ADCY8: variants seen among roughly 807,000 people sequenced by gnomAD.
ADCY8 encodes adenylate cyclase type 8.
In ADCY8, 51 loss-of-function variants were observed where a neutral mutation model predicts 119.7. That is an observed-to-expected ratio of 0.43 (90% CI 0.34 to 0.54). ADCY8 has a LOEUF of 0.54. Among genes scored for constraint, ADCY8 ranks in the 20% least tolerant of loss-of-function variants. The pLI, the probability that ADCY8 is intolerant of heterozygous loss-of-function variation, is 0.03. For synonymous variants in ADCY8, 665 were observed against 651.0 expected (o/e 1.02, Z -0.33); for missense variants, 1,383 against 1,598.8 (o/e 0.87, Z 2.30).
At chr8:130,894,167 A>C (rs1435952867) in intron 7 of ADCY8, among the ~76,000 whole-genome samples, 1 of 152,120 alleles carries the variant, frequency 6.6e-6, no homozygotes, top group Non-Finnish European at 1.5e-5. Context: ...CAAATTACTG[A>C]CCTTCAAGAA....
chr8:130,846,757 C>T, intron 11 of ADCY8, among the ~76,000 whole-genome samples: 1 of 124,366 alleles, frequency 8.0e-6, no homozygotes, highest in African/African-American at 3.2e-5. Flanking sequence ...ACCTTCTGTC[C>T]TTCCTTCCCC....
chr8:130,951,060 G>A (rs1333194397), intron 3 of ADCY8, among the ~76,000 whole-genome samples: 1 of 152,206 alleles, frequency 6.6e-6, no homozygotes, highest in East Asian at 1.9e-4. Flanking sequence ...AAACATGTCT[G>A]AAATGAACTA....
At chr8:130,838,554 T>A (rs1343430062) in intron 11 of ADCY8, among the ~76,000 whole-genome samples, 1 of 96,366 alleles carries the variant, frequency 1.0e-5, no homozygotes, top group African/African-American at 2.7e-5. Flanking sequence ...GAGGACTAGA[T>A]CTGAGGGGTC....
intron 1 of ADCY8, among the ~76,000 whole-genome samples, chr8:131,034,164 A>G (rs1001016270): frequency 3.3e-5 from 5 of 152,120 alleles, no homozygotes; most frequent in Admixed American, 1.3e-4. Context: ...GGAATGATTT[A>G]TATTACATGC....
chr8:130,807,881 G>A (rs1816019591), intron 14 of ADCY8, among the ~76,000 whole-genome samples: 1 of 144,190 alleles, frequency 6.9e-6, no homozygotes, highest in Admixed American at 7.2e-5. Context: ...CTACTTGGGA[G>A]GCTGAGGCAG....
At chr8:130,784,540 C>T (rs935181823) in intron 16 of ADCY8, among the ~76,000 whole-genome samples, 2 of 152,154 alleles carry the variant, frequency 1.3e-5, no homozygotes, top group Non-Finnish European at 1.5e-5. Flanking sequence ...TAAGGTTTGT[C>T]GACCATATGG....
chr8:130,967,354 C>T lies in ADCY8; in HGVS notation c.1111-15356G>A, dbSNP rs184940699. Reference sequence around the variant, plus strand: ...AGAAATATTAAGACTGCAGTGTTCTCGTGTCAAGCAAGCTTGAGCTGAATC... The same window carrying T: ...AGAAATATTAAGACTGCAGTGTTCTTGTGTCAAGCAAGCTTGAGCTGAATC... On this transcript the variant is annotated intron_variant, in intron 2 of 17. Coordinates refer to ENST00000286355, the MANE Select transcript of ADCY8 (RefSeq NM_001115.3). Among the ~76,000 whole-genome samples the T allele has an allele frequency of 6.1e-3, 932 of 152,312 alleles. 14 individuals carry two copies. The highest frequency in any genetic ancestry group is 0.02 in the African/African-American group (849 of 41,568).
At position 131,039,649 on chromosome 8, in the gene ADCY8, G is replaced by A; in HGVS notation, c.685C>T (p.Leu229=). 6.2e-7 allele frequency: 1 copy of A among 1,614,170 alleles called. No individual in the cohort carries two copies. The highest frequency in any genetic ancestry group is 1.3e-5 in the African/African-American group (1 of 75,052). The change falls in exon 1 of 18, where the codon CTG becomes TTG. Residue 229 remains leucine, a synonymous_variant. Coordinates refer to ENST00000286355, the MANE Select transcript of ADCY8 (RefSeq NM_001115.3). The stretch of plus-strand genomic sequence containing the variant: ...GTGGTGTCCTTCCTGACCACCACCA[G>A]GGCGCAGATCACTACCTCAATGCCG... ...FTGIEVVICA[L]VVVRKDTTSH...
At chr8:131,003,206 T>TCTCTCACACACACACACACACA (rs372048150) in intron 1 of ADCY8, among the ~76,000 whole-genome samples, 1 of 137,488 alleles carries the variant, frequency 7.3e-6, no homozygotes, top group African/African-American at 2.8e-5. Context: ...TGAAACACCA[T>TCTCTCACACACACACACACACA]CACACACACA....
At chr8:130,799,507 C>A (rs1341466724) in intron 15 of ADCY8, among the ~76,000 whole-genome samples, 1 of 152,036 alleles carries the variant, frequency 6.6e-6, no homozygotes, top group African/African-American at 2.4e-5. Flanking sequence ...TTTTTTCCCG[C>A]CCCAAGCCCC....
chr8:130,977,630 G>A (rs1374795016), intron 2 of ADCY8, among the ~76,000 whole-genome samples: 1 of 152,226 alleles, frequency 6.6e-6, no homozygotes, highest in Non-Finnish European at 1.5e-5. Context: ...TATGTTTCAA[G>A]ATTTGCACAT....
At chr8:130,837,514 C>T (rs150094649) in intron 11 of ADCY8, among the ~76,000 whole-genome samples, 5 of 152,310 alleles carry the variant, frequency 3.3e-5, no homozygotes, top group Non-Finnish European at 5.9e-5. Flanking sequence ...ACACCTATCA[C>T]CCTGTATTAG....
chr8:130,937,187 A>T lies in ADCY8; in HGVS notation c.1367T>A (p.Leu456His). 4 of 1,613,656 alleles carry T rather than the reference A, an allele frequency of 2.5e-6. No homozygotes were observed. In the Admixed American group the frequency reaches 5.0e-5, roughly 20 times the overall value. Residue 456 changes from leucine to histidine, a missense_variant, in exon 5 of 18, where the codon CTT becomes CAT. Around this residue, in one of 2 missense-constraint regions of ADCY8, gnomAD observed 928 missense variants for 1,163.5 expected, o/e 0.80. Transcript: ENST00000286355. ...FDRLAHEHHC[L>H]RIKILGDCYY... ...GCAGTCCCCCAGGATTTTAATACGA[A>T]GGCAGTGATGCTCCTGGAAGGAACA...
chr8:130,877,940 A>T (rs1393867907), intron 8 of ADCY8, among the ~76,000 whole-genome samples: 1 of 152,216 alleles, frequency 6.6e-6, no homozygotes, highest in Non-Finnish European at 1.5e-5. Context: ...AGATTGGCCC[A>T]TATGAGATTT....
intron 2 of ADCY8, among the ~76,000 whole-genome samples, chr8:130,980,204 C>A (rs966761632): frequency 6.6e-6 from 1 of 152,114 alleles, no homozygotes; most frequent in Admixed American, 6.6e-5. Flanking sequence ...TATAAGGATA[C>A]CAGTGATATT....
chr8:131,001,332 A>G (rs2130762630), intron 1 of ADCY8, among the ~76,000 whole-genome samples: 1 of 152,146 alleles, frequency 6.6e-6, no homozygotes, highest in East Asian at 1.9e-4. Context: ...GCTTCCTACT[A>G]AACGCCTTTG....
intron 6 of ADCY8, among the ~76,000 whole-genome samples, chr8:130,906,035 T>C (rs1819773254): frequency 6.6e-6 from 1 of 152,234 alleles, no homozygotes; most frequent in Non-Finnish European, 1.5e-5. Context: ...TTTCTGATAC[T>C]TCATGTTCTC....
At chr8:130,834,375 CCAAA>C (rs919657367) in intron 12 of ADCY8, among the ~76,000 whole-genome samples, 4 of 152,100 alleles carry the variant, frequency 2.6e-5, no homozygotes, top group East Asian at 1.9e-4. Flanking sequence ...ACACACTCAA[CCAAA>C]CAAATATTTT....
At chr8:130,958,495 A>C (rs1430962857) in intron 2 of ADCY8, among the ~76,000 whole-genome samples, 6 of 152,108 alleles carry the variant, frequency 3.9e-5, no homozygotes, top group African/African-American at 1.2e-4. Flanking sequence ...ACTGGGTAAT[A>C]ATAAAGGAAA....
Sources: gnomAD v4.1 joint callset for allele counts (sites outside exome capture counted in the v4.1 genomes callset) on GRCh38, gnomAD v4.1.1 for gene constraint, gnomAD v4.1.1 regional missense constraint, MANE v1.5 for transcripts, NCBI Gene and HGNC (gene_info 2026-07-23, HGNC 2026-07-21) for gene names.